Variants in MEGF6 observed in about 807,000 individuals in gnomAD.
The protein encoded by MEGF6 is multiple epidermal growth factor-like domains protein 6.
A neutral mutation model predicts 207.1 loss-of-function variants in MEGF6; 184 were observed. That is an observed-to-expected ratio of 0.89 (90% CI 0.79 to 1.00). MEGF6 has a LOEUF of 1.00. MEGF6 is among the 50% of genes least tolerant of loss of function. The probability of loss-of-function intolerance (pLI) is 0.00; values close to 1 mark genes in which losing one functional copy is unlikely to be tolerated. For missense variants in MEGF6, 2,282 were observed against 2,202.9 expected (o/e 1.04, Z -0.72); for synonymous variants, 1,038 against 910.0 (o/e 1.14, Z -2.53).
upstream of MEGF6, among the ~76,000 whole-genome samples, chr1:3,616,441 C>T (rs1268855448): frequency 2.6e-5 from 4 of 152,252 alleles, no homozygotes; most frequent in East Asian, 7.7e-4. Flanking sequence ...GTCTGTTCCT[C>T]ACATCAACAC....
intron 4 of MEGF6, among the ~76,000 whole-genome samples, chr1:3,536,275 C>T (rs1228667102): frequency 6.6e-6 from 1 of 150,838 alleles, no homozygotes; most frequent in Non-Finnish European, 1.5e-5. Flanking sequence ...TTCATTGGCT[C>T]ATTCATTTAG....
At chr1:3,579,115 C>T (rs567586007) in intron 4 of MEGF6, among the ~76,000 whole-genome samples, 11 of 152,224 alleles carry the variant, frequency 7.2e-5, no homozygotes, top group Non-Finnish European at 1.6e-4. Context: ...ATCGGGACGG[C>T]CGTGGCTCAG....
intron 4 of MEGF6, among the ~76,000 whole-genome samples, chr1:3,561,367 G>A (rs182247097): frequency 4.6e-5 from 7 of 152,318 alleles, no homozygotes; most frequent in Non-Finnish European, 8.8e-5. Context: ...GGCCCTGAAG[G>A]TTCCCACACA....
chr1:3,520,364 C>T (rs548503183), intron 5 of MEGF6, among the ~76,000 whole-genome samples: 10 of 152,352 alleles, frequency 6.6e-5, no homozygotes, highest in South Asian at 2.1e-4. Context: ...GAGTGTTGCA[C>T]GCTGGCACTC....
At chr1:3,598,723 C>A (rs928890247) in intron 2 of MEGF6, among the ~76,000 whole-genome samples, 1 of 147,804 alleles carries the variant, frequency 6.8e-6, no homozygotes, top group South Asian at 2.1e-4. Flanking sequence ...GAGCCCCCCC[C>A]CCCCCCCCGG....
Position 3,594,215 on chromosome 1 carries a change from G to C in MEGF6, c.376+1123C>G, listed in dbSNP as rs1354621283. Among the ~76,000 whole-genome samples, 1 of 152,204 alleles carries C rather than the reference G, an allele frequency of 6.6e-6. No homozygotes were observed. The highest frequency in any genetic ancestry group is 1.5e-5 in the Non-Finnish European group (1 of 68,042). ...AGGCCGAGGTGGAAGGATCGCTTGA[G>C]CCTAGGAGCTCAAGACCAGCCTGGG... On this transcript the variant is annotated intron_variant, in intron 3 of 36. Transcript: ENST00000356575. This position sits in a 1 kb window ranked among gnomAD's most constrained non-coding sequence, Gnocchi z 4.2.
Position 3,509,964 on chromosome 1 carries a change from G to T in MEGF6, c.1263C>A (p.Gly421=). The T allele has an allele frequency of 6.3e-7, 1 of 1,584,374 alleles. No individual in the cohort carries two copies. ...EDVDECASSR[G]GCEHHCTNLA... ...GGTTGGTGCAGTGGTGCTCGCAGCC[G>T]CCACGGCTGGAGGCGCACTCATCCA... The change falls in exon 11 of 37, where the codon GGC becomes GGA. Residue 421 remains glycine (G), a synonymous_variant. Coordinates refer to ENST00000356575, the MANE Select transcript of MEGF6 (RefSeq NM_001409.4).
chr1:3,561,246 G>A (rs901259209), intron 4 of MEGF6, among the ~76,000 whole-genome samples: 4 of 152,140 alleles, frequency 2.6e-5, no homozygotes, highest in African/African-American at 9.6e-5. Flanking sequence ...CTCAGCTGAG[G>A]AGCAAGGGCT....
At chr1:3,586,903 T>C (rs549102571) in intron 3 of MEGF6, among the ~76,000 whole-genome samples, 1 of 152,298 alleles carries the variant, frequency 6.6e-6, no homozygotes, top group East Asian at 1.9e-4. Context: ...CCCCTGACTA[T>C]AGGTGCCAAG....
intron 2 of MEGF6, among the ~76,000 whole-genome samples, chr1:3,598,626 C>T (rs1644109501): frequency 6.6e-6 from 1 of 152,294 alleles, no homozygotes; most frequent in Non-Finnish European, 1.5e-5. Flanking sequence ...GAAGACCAGC[C>T]CTCCGTTCTC....
chr1:3,578,539 G>GGT (rs1553205792), intron 4 of MEGF6, among the ~76,000 whole-genome samples: 3 of 143,152 alleles, frequency 2.1e-5, no homozygotes, highest in African/African-American at 8.9e-5. Flanking sequence ...GGGGCCCTGG[G>GGT]GGGGGGGGGC....
intron 4 of MEGF6, among the ~76,000 whole-genome samples, chr1:3,578,186 G>A (rs754743309): frequency 5.3e-5 from 8 of 152,188 alleles, no homozygotes; most frequent in Non-Finnish European, 1.2e-4. Flanking sequence ...ACCACAGGAG[G>A]CTCTGCTTGG....
rs199773742 is a variant in MEGF6 at position 3,500,739 on chromosome 1, A to G, written c.2601T>C (p.Pro867=). Residue 867 remains proline (P), a synonymous_variant, in exon 21 of 37, where the codon CCT becomes CCC. Transcript: ENST00000356575. ...QRACDTGHWG[P]DCSHPCNCSA... is the part of the protein sequence containing the mutation. The stretch of plus-strand genomic sequence containing the variant: ...TGCAGTTGCAGGGGTGGCTGCAGTC[A>G]GGTCCCCAGTGCCCAGTATCACAGG... 1.8e-5 allele frequency: 29 copies of G among 1,603,060 alleles called. No individual in the cohort carries two copies. Among genetic ancestry groups the G allele is most frequent in the Admixed American group, 8.5e-5 (5 of 58,748 alleles).
intron 8 of MEGF6, 129 bp downstream of exon 8, chr1:3,511,876 AG>A (rs1210961541): frequency 6.7e-7 from 1 of 1,487,150 alleles, no homozygotes; most frequent in Non-Finnish European, 9.1e-7. Flanking sequence ...CTGCTCACCA[AG>A]GGCTCACACC....
At chr1:3,595,474 C>T in intron 2 of MEGF6, 27 bp from the exon 3 acceptor site, 1 of 1,583,794 alleles carries the variant, frequency 6.3e-7, no homozygotes, top group East Asian at 2.2e-5. Flanking sequence ...AAGGGAAGTG[C>T]TTACCGTCGC....
chr1:3,578,075 G>A (rs1236227140), intron 4 of MEGF6, among the ~76,000 whole-genome samples: 3 of 152,204 alleles, frequency 2.0e-5, no homozygotes, highest in Non-Finnish European at 4.4e-5. Context: ...GGCCAGCCCT[G>A]AGGGGGCAGG....
At position 3,595,411 on chromosome 1, in the gene MEGF6, G is replaced by A. The variant is rs1295080601; in HGVS notation, c.303C>T (p.Thr101=). ...ACCTGAGCACGGTCCGGGCCTCCGT[G>A]GTATACACCTGCCTGTAGCCCATGT... ...VYYMGYRQVY[T]TEARTVLRCC... The change falls in exon 3 of 37, where the codon ACC becomes ACT. Residue 101 remains threonine (T), a synonymous_variant. Coordinates refer to ENST00000356575, the MANE Select transcript of MEGF6 (RefSeq NM_001409.4). 4 of 1,612,572 alleles carry A rather than the reference G, an allele frequency of 2.5e-6. No individual in the cohort carries two copies. The Admixed American group carries it at 5.0e-5, about 20-fold the overall frequency.
intron 2 of MEGF6, among the ~76,000 whole-genome samples, chr1:3,597,327 A>C (rs1388999100): frequency 5.3e-5 from 8 of 151,636 alleles, no homozygotes; most frequent in Admixed American, 5.3e-4. Context: ...AGCCGCCCTG[A>C]CGCCTGGGTC....
At chr1:3,518,988 G>A (rs1433336620) in intron 5 of MEGF6, among the ~76,000 whole-genome samples, 6 of 152,314 alleles carry the variant, frequency 3.9e-5, no homozygotes, top group East Asian at 1.9e-4. Context: ...TCGTCCACAC[G>A]CCAAGGGGTC....
Sources: allele counts gnomAD v4.1 joint callset (sites outside exome capture counted in the v4.1 genomes callset), GRCh38; gene constraint gnomAD v4.1.1; non-coding constraint Gnocchi (gnomAD v3.1); transcripts MANE v1.5; gene names NCBI Gene and HGNC (gene_info 2026-07-23, HGNC 2026-07-21).